The following ANK3 variants were observed in gnomAD, a reference collection of about 807,000 sequenced individuals.
The protein encoded by ANK3 is ankyrin-3.
ANK3 carries 57 observed loss-of-function variants against 370.9 expected under a neutral mutation model. The observed-to-expected ratio is 0.15, with a 90% CI of 0.12 to 0.19. ANK3 has a LOEUF of 0.19. Among genes scored for constraint, ANK3 ranks in the 10% least tolerant of loss-of-function variants. ANK3 has a pLI of 1.00. For missense variants in ANK3, 4,439 were observed against 5,302.1 expected (o/e 0.84, Z 5.06); for synonymous variants, 1,929 against 1,946.3 (o/e 0.99, Z 0.23).
At chr10:60,392,896 T>C (rs1184355039), upstream of ANK3, among the ~76,000 whole-genome samples, 1 of 151,802 alleles carries the variant, frequency 6.6e-6, no homozygotes, top group Non-Finnish European at 1.5e-5. Context: ...ACCACTGCAC[T>C]CCAGTCTGGG....
chr10:60,148,789 G>A (rs967016378), intron 23 of ANK3, among the ~76,000 whole-genome samples: 2 of 152,198 alleles, frequency 1.3e-5, no homozygotes, highest in African/African-American at 4.8e-5. Context: ...AACTAGCCCT[G>A]GAAAATCAGG....
intron 25 of ANK3, among the ~76,000 whole-genome samples, chr10:60,127,719 G>GACT (rs2093836850): frequency 7.8e-6 from 1 of 128,528 alleles, no homozygotes; most frequent in African/African-American, 3.1e-5. Context: ...TTTTTTTGGA[G>GACT]ACAGAGTCTC....
intron 1 of ANK3, among the ~76,000 whole-genome samples, chr10:60,644,460 A>G (rs183755396): frequency 6.6e-6 from 1 of 152,332 alleles, no homozygotes; most frequent in East Asian, 1.9e-4. Context: ...TTCATCACTA[A>G]ATAAAAACCA....
chr10:60,702,554 G>C (rs2079559101), intron 1 of ANK3, among the ~76,000 whole-genome samples: 1 of 151,734 alleles, frequency 6.6e-6, no homozygotes, highest in Non-Finnish European at 1.5e-5. Context: ...TTATTGGTGT[G>C]TAAAAAAAAA....
chr10:60,048,745 T>C (rs2131886746), intron 42 of ANK3, among the ~76,000 whole-genome samples: 1 of 152,338 alleles, frequency 6.6e-6, no homozygotes, highest in African/African-American at 2.4e-5. Flanking sequence ...GGAGGTCCAA[T>C]TGTATAGTAT....
chr10:60,493,079 CAAAAA>C (rs1268736795), intron 2 of ANK3, among the ~76,000 whole-genome samples: 5 of 121,556 alleles, frequency 4.1e-5, no homozygotes, highest in South Asian at 5.4e-4. Context: ...GACTCCTTCT[CAAAAA>C]AAAAAAAAAA....
intron 28 of ANK3, among the ~76,000 whole-genome samples, chr10:60,100,185 T>A (rs2090945263): frequency 6.7e-6 from 1 of 148,606 alleles, no homozygotes; most frequent in South Asian, 2.1e-4. Flanking sequence ...TTCAATTGAT[T>A]TAAAATGCCA....
intron 8 of ANK3, among the ~76,000 whole-genome samples, chr10:60,225,189 A>C (rs987343259): frequency 6.6e-6 from 1 of 152,184 alleles, no homozygotes; most frequent in Non-Finnish European, 1.5e-5. Context: ...CTAGGATTAC[A>C]GGCATGAGCC....
intron 1 of ANK3, among the ~76,000 whole-genome samples, chr10:60,625,912 T>G (rs1482306697): frequency 6.6e-6 from 1 of 152,216 alleles, no homozygotes; most frequent in African/African-American, 2.4e-5. Flanking sequence ...ATTTTTAAAA[T>G]GCTGAATGAA....
chr10:60,465,672 C>T (rs1164408178), intron 2 of ANK3, among the ~76,000 whole-genome samples: 1 of 152,062 alleles, frequency 6.6e-6, no homozygotes, highest in South Asian at 2.1e-4. Context: ...TGTTAGAAGC[C>T]AGGGACATCT....
At chr10:60,531,976 C>G (rs1287103262) in intron 2 of ANK3, among the ~76,000 whole-genome samples, 2 of 152,120 alleles carry the variant, frequency 1.3e-5, no homozygotes, top group African/African-American at 4.8e-5. Flanking sequence ...AAACACTCTG[C>G]AGACTGGCTG....
At chr10:60,319,512 C>T (rs1007257239) in intron 1 of ANK3, among the ~76,000 whole-genome samples, 1 of 152,126 alleles carries the variant, frequency 6.6e-6, no homozygotes, top group Non-Finnish European at 1.5e-5. Flanking sequence ...AGAAATATAT[C>T]GTCTATTCTG....
intron 7 of ANK3, among the ~76,000 whole-genome samples, chr10:60,260,678 G>C (rs900263260): frequency 1.3e-5 from 2 of 152,160 alleles, no homozygotes; most frequent in Admixed American, 1.3e-4. Flanking sequence ...TTGTGATAGT[G>C]AGGGAGTTCT....
At chr10:60,295,951 C>A (rs1242293066) in intron 1 of ANK3, among the ~76,000 whole-genome samples, 1 of 152,084 alleles carries the variant, frequency 6.6e-6, no homozygotes, top group Non-Finnish European at 1.5e-5. Context: ...GTCAAGGATA[C>A]CAGTCTTCAG....
rs145288373 is a variant in ANK3, at chr10:60,279,946, C to T, written c.115-307G>A. 5.3e-5 allele frequency among the ~76,000 whole-genome samples: 8 copies of T among 152,312 alleles called. No individual in the cohort carries two copies. In the East Asian group the frequency reaches 1.5e-3, roughly 29 times the overall value. ...CAGAGGGAAAAGAGAAATTCTATAA[C>T]TTATTGATAATTACATTATGAAGAC... On this transcript the variant is annotated intron_variant, in intron 1 of 43. Coordinates refer to ENST00000280772, the MANE Select transcript of ANK3 (RefSeq NM_020987.5).
At chr10:60,493,094 A>AG (rs570655977) in intron 2 of ANK3, among the ~76,000 whole-genome samples, 110 of 142,056 alleles carry the variant, frequency 7.7e-4, no homozygotes, top group South Asian at 1.6e-3. Flanking sequence ...AAAAAAAAAA[A>AG]AAAAGAAAAG....
chr10:60,107,680 T>C (rs925167924), intron 27 of ANK3, among the ~76,000 whole-genome samples: 1 of 152,256 alleles, frequency 6.6e-6, no homozygotes, highest in Non-Finnish European at 1.5e-5. Context: ...AGTTTACTTA[T>C]TGATGACTTC....
At chr10:60,053,680 A>G (rs1236211730) in intron 42 of ANK3, 2 of 1,303,826 alleles carry the variant, frequency 1.5e-6, no homozygotes, top group African/African-American at 1.5e-5. Context: ...ATTTTACCTT[A>G]TAACAGCAGG....
intron 28 of ANK3, among the ~76,000 whole-genome samples, chr10:60,096,782 T>A (rs76040623): frequency 0.024 from 3,678 of 152,324 alleles, 142 homozygotes; most frequent in African/African-American, 0.084. Context: ...AAATATTCAT[T>A]ACTTTTATAT....
Sources: allele counts gnomAD v4.1 joint callset (sites outside exome capture counted in the v4.1 genomes callset), GRCh38; gene constraint gnomAD v4.1.1; transcripts MANE v1.5; gene names NCBI Gene and HGNC (gene_info 2026-07-23, HGNC 2026-07-21).